The following PCSK5 variants were observed in gnomAD, a reference collection of about 807,000 sequenced individuals.
The protein encoded by PCSK5 is prohormone convertase 5.
A neutral mutation model predicts 233.2 loss-of-function variants in PCSK5; 129 were observed. The ratio of observed to expected loss-of-function variants is 0.55; its 90% CI spans 0.48 to 0.64. The LOEUF (loss-of-function observed/expected upper bound fraction) is 0.64. Ranked by LOEUF, PCSK5 falls within the 30% of genes least tolerant of loss-of-function variation. PCSK5 has a pLI of 0.00. For synonymous variants in PCSK5, 825 were observed against 879.2 expected, an observed-to-expected ratio of 0.94 and a Z score of 1.09; for missense variants, 2,076 against 2,430.1, an observed-to-expected ratio of 0.85 and a Z score of 3.06.
intron 10 of PCSK5, among the ~76,000 whole-genome samples, chr9:76,141,332 T>A (rs906689739): frequency 6.6e-6 from 1 of 152,168 alleles, no homozygotes; most frequent in African/African-American, 2.4e-5. Context: ...ATTTGAGGTT[T>A]TGTATTTATT....
chr9:76,175,768 G>T (rs1229272683), intron 14 of PCSK5, among the ~76,000 whole-genome samples: 2 of 152,002 alleles, frequency 1.3e-5, no homozygotes, highest in African/African-American at 4.8e-5. Context: ...AGAAAAAAAA[G>T]TAAAAAAAAG....
chr9:76,001,051 T>A (rs115942401), intron 3 of PCSK5, among the ~76,000 whole-genome samples: 2,164 of 152,226 alleles, frequency 0.014, 47 homozygotes, highest in African/African-American at 0.05. Flanking sequence ...AGCCCATGAA[T>A]TTATACAGAT....
chr9:75,984,720 A>G (rs767189843), intron 2 of PCSK5, among the ~76,000 whole-genome samples: 3 of 152,198 alleles, frequency 2.0e-5, no homozygotes, highest in Non-Finnish European at 4.4e-5. Flanking sequence ...GGTAAAACCA[A>G]TTCTTACTCA....
chr9:75,948,325 G>A (rs1027866031), intron 2 of PCSK5, among the ~76,000 whole-genome samples: 143 of 6,456 alleles, frequency 0.022, 1 homozygote, highest in Non-Finnish European at 0.045. Flanking sequence ...CCCACCCCCC[G>A]AAAGGCCCCA....
chr9:76,149,801 C>T (rs1462976004), intron 10 of PCSK5, among the ~76,000 whole-genome samples: 2 of 152,088 alleles, frequency 1.3e-5, no homozygotes, highest in Non-Finnish European at 2.9e-5. Flanking sequence ...CAGGAAATAC[C>T]CATCAATTAT....
At chr9:75,905,320 G>C (rs1242599503) in intron 1 of PCSK5, among the ~76,000 whole-genome samples, 1 of 152,054 alleles carries the variant, frequency 6.6e-6, no homozygotes, top group African/African-American at 2.4e-5. Flanking sequence ...ACCAGCCTGG[G>C]CAATAAAGTG....
intron 25 of PCSK5, among the ~76,000 whole-genome samples, chr9:76,294,761 T>G (rs2262121): frequency 0.46 from 70,152 of 151,904 alleles, 16,707 homozygotes; most frequent in African/African-American, 0.57. Flanking sequence ...GCTGCCCTGA[T>G]AAAGAGTCCT....
rs898974926 is a variant in PCSK5, at chr9:76,361,634, C to T, written c.*2712C>T. 2 of 152,050 alleles carry T rather than the reference C, an allele frequency of 1.3e-5. No homozygotes were observed. The highest frequency in any genetic ancestry group is 2.9e-5 in the Non-Finnish European group (2 of 68,076). 9.4% of individuals were successfully genotyped at this position (152,050 alleles called of 1,614,324 possible). A position where few individuals can be genotyped will look rare whatever the true frequency, so the allele number is the denominator to read the frequency against. ...GAAGGATCACTTGAACCCGGGAGGT[C>T]GAGGCTGCAGTGAGCTGTGATCTTG... On this transcript the variant is annotated 3_prime_UTR_variant, in exon 38 of 38. Coordinates refer to ENST00000674117, the MANE Select transcript of PCSK5 (RefSeq NM_001372043.1).
intron 8 of PCSK5, among the ~76,000 whole-genome samples, chr9:76,105,274 C>T (rs1831930553): frequency 6.6e-6 from 1 of 152,106 alleles, no homozygotes; most frequent in African/African-American, 2.4e-5. Flanking sequence ...TGAGATAATC[C>T]TGTTTTGAGA....
intron 5 of PCSK5, among the ~76,000 whole-genome samples, chr9:76,055,494 A>T (rs1039598493): frequency 4.6e-5 from 7 of 151,964 alleles, no homozygotes; most frequent in African/African-American, 1.7e-4. Context: ...TTCCATTCTT[A>T]AGTTTCATTT....
intron 15 of PCSK5, among the ~76,000 whole-genome samples, chr9:76,180,087 G>GTGTATATATA (rs543361179): frequency 2.7e-4 from 36 of 132,608 alleles, no homozygotes; most frequent in African/African-American, 1.0e-3. Context: ...GTGTGTGTGT[G>GTGTATATATA]TATATATATA....
intron 5 of PCSK5, among the ~76,000 whole-genome samples, chr9:76,045,308 A>G (rs1829326565): frequency 6.6e-6 from 1 of 152,212 alleles, no homozygotes; most frequent in African/African-American, 2.4e-5. Flanking sequence ...ATCCTGATGC[A>G]AGAGAAAAGT....
chr9:75,974,770 T>G (rs1825945746), intron 2 of PCSK5, among the ~76,000 whole-genome samples: 1 of 152,242 alleles, frequency 6.6e-6, no homozygotes, highest in Non-Finnish European at 1.5e-5. Context: ...ACACTCCTCC[T>G]CACCAACAAC....
At chr9:76,044,601 T>C (rs1587543569) in intron 5 of PCSK5, among the ~76,000 whole-genome samples, 1 of 152,338 alleles carries the variant, frequency 6.6e-6, no homozygotes, top group East Asian at 1.9e-4. Flanking sequence ...TTTGGAATGC[T>C]GTACGCAGTG....
chr9:76,179,803 C>T, intron 15 of PCSK5, 105 bp downstream of exon 15: 1 of 754,102 alleles, frequency 1.3e-6, no homozygotes, highest in Non-Finnish European at 2.3e-6. Context: ...GCATCTTCCA[C>T]TATTCTCCCA....
rs1461290594 is a variant in PCSK5, at chr9:76,047,704, A to G, written c.633-20251A>G. 2.6e-5 allele frequency among the ~76,000 whole-genome samples: 4 copies of G among 152,170 alleles called. No homozygotes were observed. In the South Asian group the frequency reaches 8.3e-4, roughly 32 times the overall value. On this transcript the variant is annotated intron_variant, in intron 5 of 37. Transcript: ENST00000674117. ...TAGGAGGGACTCATTAATGGGATAA[A>G]TGGGCGTTGTGAGGAGAAAACATTA...
chr9:76,152,523 CTG>C (rs1024500993), intron 10 of PCSK5, among the ~76,000 whole-genome samples: 7 of 152,164 alleles, frequency 4.6e-5, no homozygotes. Context: ...CTGCATAACA[CTG>C]TGTTTTAGCA....
chr9:76,071,788 C>A lies in PCSK5; in HGVS notation c.784C>A (p.Pro262Thr), dbSNP rs1478523312. The A allele has an allele frequency of 1.9e-6, 3 of 1,614,132 alleles. No homozygotes were observed. The Admixed American group carries it at 5.0e-5, about 27-fold the overall frequency. The change falls in exon 7 of 38, where the codon CCC becomes ACC. Residue 262 changes from proline (P) to threonine (T), a missense_variant. By Grantham distance (38) the Pro-to-Thr change is conservative. Around this residue, in one of 6 missense-constraint regions of PCSK5, gnomAD observed 178 missense variants for 393.6 expected, o/e 0.45. Transcript: ENST00000674117. ...MVEAKSVSFN[P>T]QHVHIYSASW... Reference sequence around the variant, plus strand: ...TGAAGCAAAATCAGTTAGCTTCAACCCCCAGCACGTGCACATTTACAGCGC... The same window carrying A: ...TGAAGCAAAATCAGTTAGCTTCAACACCCAGCACGTGCACATTTACAGCGC...
At chr9:76,278,513 C>T (rs1208535286) in intron 24 of PCSK5, among the ~76,000 whole-genome samples, 2 of 151,914 alleles carry the variant, frequency 1.3e-5, no homozygotes, top group Admixed American at 1.3e-4. Flanking sequence ...ATGTCTAGAA[C>T]TCAGGACCTG....
Sources: gnomAD v4.1 joint callset for allele counts (sites outside exome capture counted in the v4.1 genomes callset) on GRCh38, gnomAD v4.1.1 for gene constraint, gnomAD v4.1.1 regional missense constraint, MANE v1.5 for transcripts, NCBI Gene and HGNC (gene_info 2026-07-23, HGNC 2026-07-21) for gene names.